FHIT: variants seen among roughly 807,000 people sequenced by gnomAD.
The protein encoded by FHIT is fragile histidine triad diadenosine triphosphatase.
FHIT carries 19 observed loss-of-function variants against 17.9 expected under a neutral mutation model. That is an observed-to-expected ratio of 1.06 (90% CI 0.74 to 1.56). The LOEUF (loss-of-function observed/expected upper bound fraction) is 1.56, where lower values mean the gene tolerates loss of function less well. FHIT is among the 40% of genes most tolerant of loss of function. FHIT has a pLI of 0.00. For missense variants in FHIT, 248 were observed against 189.2 expected, an observed-to-expected ratio of 1.31 and a Z score of -1.82; for synonymous variants, 81 against 69.7, an observed-to-expected ratio of 1.16 and a Z score of -0.81.
chr3:60,847,712 T>G (rs1702979520), intron 3 of FHIT, among the ~76,000 whole-genome samples: 1 of 152,082 alleles, frequency 6.6e-6, no homozygotes, highest in South Asian at 2.1e-4. Context: ...CCTTCCTCCC[T>G]TTCTTCTTTT....
At chr3:61,209,957 T>C (rs2039401502) in intron 1 of FHIT, among the ~76,000 whole-genome samples, 1 of 152,176 alleles carries the variant, frequency 6.6e-6, no homozygotes, top group Non-Finnish European at 1.5e-5. Context: ...CTACCTTTGG[T>C]CTTTGATGAT....
intron 8 of FHIT, among the ~76,000 whole-genome samples, chr3:59,859,465 C>T (rs984325500): frequency 1.3e-5 from 2 of 152,210 alleles, no homozygotes; most frequent in African/African-American, 4.8e-5. Context: ...CGCCTGTAAT[C>T]CCAGCACTTT....
intron 5 of FHIT, among the ~76,000 whole-genome samples, chr3:60,441,621 G>A (rs761186777): frequency 2.0e-5 from 3 of 148,712 alleles, no homozygotes; most frequent in African/African-American, 7.4e-5. Flanking sequence ...TAGTAAATTA[G>A]GCTATTGTCT....
intron 5 of FHIT, among the ~76,000 whole-genome samples, chr3:60,133,972 T>C (rs1699704631): frequency 6.6e-6 from 1 of 152,100 alleles, no homozygotes; most frequent in African/African-American, 2.4e-5. Context: ...GGTTTATTTA[T>C]TACTGTGCAC....
intron 4 of FHIT, among the ~76,000 whole-genome samples, chr3:60,812,087 C>T (rs1440148440): frequency 6.6e-6 from 1 of 152,030 alleles, no homozygotes; most frequent in African/African-American, 2.4e-5. Flanking sequence ...CTGTCTTTCT[C>T]TCATGTCACA....
At chr3:60,809,183 C>A (rs2106706472) in intron 4 of FHIT, among the ~76,000 whole-genome samples, 1 of 152,226 alleles carries the variant, frequency 6.6e-6, no homozygotes, top group East Asian at 1.9e-4. Context: ...CATAAAATTT[C>A]ATTTATTGAC....
At position 60,044,055 on chromosome 3, in the gene FHIT, G is replaced by A. The variant is rs544171971; in HGVS notation, c.104-29903C>T. ...TCCATTTTTCTTTTAAATGTTGTAA[G>A]TCAAAACCAGCTAAATTGATTTTTT... On this transcript the variant is annotated intron_variant, in intron 5 of 9. Coordinates refer to ENST00000492590, the MANE Select transcript of FHIT (RefSeq NM_002012.4). Among the ~76,000 whole-genome samples, 172 of 152,258 alleles carry A rather than the reference G, an allele frequency of 1.1e-3. 3 individuals carry two copies. The South Asian group carries it at 0.034, about 30-fold the overall frequency.
chr3:59,749,431 T>A lies in FHIT; in HGVS notation c.*154A>T. The A allele has an allele frequency of 4.3e-6, 1 of 230,468 alleles. No homozygotes were observed. 14.3% of individuals were successfully genotyped at this position (230,468 alleles called of 1,614,324 possible). ...TTTAAGGGAGTTGGAGTGACCGAGGTGGGGGATCACTGGTTGAAGAATACA... is the reference window on the plus strand; with the variant it reads ...TTTAAGGGAGTTGGAGTGACCGAGGAGGGGGATCACTGGTTGAAGAATACA... On this transcript the variant is annotated 3_prime_UTR_variant, in exon 10 of 10. Transcript: ENST00000492590.
chr3:59,987,847 T>C (rs535343434), intron 7 of FHIT, among the ~76,000 whole-genome samples: 10 of 152,178 alleles, frequency 6.6e-5, no homozygotes, highest in South Asian at 2.1e-4. Context: ...GTACTAGAGA[T>C]GTCTGCCCCA....
intron 2 of FHIT, among the ~76,000 whole-genome samples, chr3:61,105,012 T>C (rs1046064094): frequency 6.6e-6 from 1 of 152,200 alleles, no homozygotes; most frequent in African/African-American, 2.4e-5. Context: ...AGTTTCAATG[T>C]ACTCCTGTAG....
chr3:60,084,059 A>G (rs944719743), intron 5 of FHIT, among the ~76,000 whole-genome samples: 1 of 152,204 alleles, frequency 6.6e-6, no homozygotes, highest in Non-Finnish European at 1.5e-5. Context: ...TTTTATAGCA[A>G]TATCACTTTT....
intron 4 of FHIT, among the ~76,000 whole-genome samples, chr3:60,626,108 T>C (rs1243599598): frequency 6.6e-6 from 1 of 152,336 alleles, no homozygotes; most frequent in South Asian, 2.1e-4. Flanking sequence ...ATGTCAGCAC[T>C]ACACTCTCTT....
intron 3 of FHIT, among the ~76,000 whole-genome samples, chr3:60,978,214 G>A (rs906877391): frequency 1.3e-5 from 2 of 152,208 alleles, no homozygotes; most frequent in South Asian, 2.1e-4. Flanking sequence ...CAGCTTTGGG[G>A]TGGTTAGGGT....
intron 5 of FHIT, among the ~76,000 whole-genome samples, chr3:60,322,619 C>T (rs9837070): frequency 0.62 from 94,615 of 151,998 alleles, 29,990 homozygotes; most frequent in South Asian, 0.71. Context: ...TTATTTGTAA[C>T]ACCTCACCCA....
intron 5 of FHIT, among the ~76,000 whole-genome samples, chr3:60,323,924 G>C (rs943993278): frequency 9.9e-5 from 15 of 152,150 alleles, no homozygotes; most frequent in Non-Finnish European, 1.8e-4. Flanking sequence ...TGGCTAATGA[G>C]AAGGGTTGAA....
At chr3:60,127,961 T>C (rs1258129530) in intron 5 of FHIT, among the ~76,000 whole-genome samples, 1 of 152,170 alleles carries the variant, frequency 6.6e-6, no homozygotes, top group Non-Finnish European at 1.5e-5. Flanking sequence ...CTTAGTAAGT[T>C]ACACAAAGTC....
rs150128117 is a variant in FHIT, at chr3:60,812,059, G to A, written c.-18+9860C>T. On this transcript the variant is annotated intron_variant, in intron 4 of 9. Coordinates refer to ENST00000492590, the MANE Select transcript of FHIT (RefSeq NM_002012.4). ...TGATGTAAAATTCTGCCCCAGGCTAGGTGAAGATCCATACTTGCTGTCTTT... is the reference window on the plus strand; with the variant it reads ...TGATGTAAAATTCTGCCCCAGGCTAAGTGAAGATCCATACTTGCTGTCTTT... 6.0e-3 allele frequency among the ~76,000 whole-genome samples: 913 copies of A among 152,208 alleles called. 12 individuals are homozygous for A. The highest frequency in any genetic ancestry group is 0.021 in the African/African-American group (852 of 41,532).
At chr3:60,717,818 C>T (rs62249271) in intron 4 of FHIT, among the ~76,000 whole-genome samples, 19,028 of 152,116 alleles carry the variant, frequency 0.13, 1,500 homozygotes, top group Non-Finnish European at 0.17. Context: ...CCAACTCTGC[C>T]ACCTACCAAA....
intron 3 of FHIT, among the ~76,000 whole-genome samples, chr3:60,904,832 C>T (rs1205362228): frequency 1.3e-5 from 2 of 151,260 alleles, no homozygotes; most frequent in African/African-American, 2.4e-5. Flanking sequence ...CCCAGCTACT[C>T]AGGAGGCTGA....
Sources: allele counts gnomAD v4.1 joint callset (sites outside exome capture counted in the v4.1 genomes callset), GRCh38; gene constraint gnomAD v4.1.1; transcripts MANE v1.5; gene names NCBI Gene and HGNC (gene_info 2026-07-23, HGNC 2026-07-21).